ENPP6: variants seen among roughly 807,000 people sequenced by gnomAD.
The protein encoded by ENPP6 is ectonucleotide pyrophosphatase/phosphodiesterase 6.
Under a neutral mutation model 42.0 loss-of-function variants are expected in ENPP6, and 32 were observed. That is an observed-to-expected ratio of 0.76 (90% CI 0.58 to 1.02). The LOEUF (loss-of-function observed/expected upper bound fraction) is 1.02. Ranked by LOEUF, ENPP6 falls within the 50% of genes least tolerant of loss-of-function variation. The pLI is 0.00. For synonymous variants in ENPP6, 213 were observed against 216.0 expected, an observed-to-expected ratio of 0.99 and a Z score of 0.12; for missense variants, 552 against 566.8, an observed-to-expected ratio of 0.97 and a Z score of 0.27.
intron 6 of ENPP6, among the ~76,000 whole-genome samples, chr4:184,099,291 A>G (rs754649667): frequency 6.6e-6 from 1 of 152,244 alleles, no homozygotes; most frequent in Non-Finnish European, 1.5e-5. Flanking sequence ...GGCCAGACAC[A>G]AAGCACTAAC....
intron 2 of ENPP6, among the ~76,000 whole-genome samples, chr4:184,139,516 C>T (rs2111366764): frequency 7.8e-6 from 1 of 128,228 alleles, no homozygotes. Context: ...CTCCCCCCAC[C>T]CCACAATAGT....
chr4:184,124,171 C>T lies in ENPP6; in HGVS notation c.523G>A (p.Asp175Asn). The change falls in exon 3 of 8, where the codon GAC becomes AAC. Residue 175 changes from aspartate (D) to asparagine (N), a missense_variant. Asp to Asn is a conservative substitution (Grantham distance 23, BLOSUM62 1). Around this residue, in one of 2 missense-constraint regions of ENPP6, gnomAD observed 545 missense variants for 546.3 expected, o/e 1.00. Transcript: ENST00000296741. ...GTTTGGGACACTTACTTGAAGGAGT[C>T]AAGAGCATCGCTGACTGCATTGGCA... is the stretch of plus-strand genomic sequence containing the variant. ...NFANAVSDALDSFKSGRADLA... is the reference protein window; with the variant it reads ...NFANAVSDALNSFKSGRADLA... 6.2e-7 allele frequency: 1 copy of T among 1,613,622 alleles called. No homozygotes were observed. Among genetic ancestry groups the T allele is most frequent in the Non-Finnish European group, 8.5e-7 (1 of 1,179,638 alleles).
chr4:184,139,670 C>T (rs1258271326), intron 2 of ENPP6, among the ~76,000 whole-genome samples: 1 of 94,654 alleles, frequency 1.1e-5, no homozygotes, highest in Non-Finnish European at 2.3e-5. Flanking sequence ...ATCCATGTCC[C>T]TACAAAGGAC....
chr4:184,151,570 T>C (rs1254267701), intron 2 of ENPP6, among the ~76,000 whole-genome samples: 1 of 152,106 alleles, frequency 6.6e-6, no homozygotes. Context: ...AAACTTAAGT[T>C]CTAAGATAGT....
intron 2 of ENPP6, among the ~76,000 whole-genome samples, chr4:184,137,284 A>G (rs1736744076): frequency 6.6e-6 from 1 of 152,068 alleles, no homozygotes; most frequent in South Asian, 2.1e-4. Context: ...TTTAATAGAG[A>G]TGGAGTTTCA....
At chr4:184,144,068 C>T (rs1006853467) in intron 2 of ENPP6, among the ~76,000 whole-genome samples, 2 of 152,186 alleles carry the variant, frequency 1.3e-5, no homozygotes, top group Admixed American at 6.5e-5. Context: ...GCCCCCCGGG[C>T]CCCCAAGCCA....
intron 3 of ENPP6, among the ~76,000 whole-genome samples, chr4:184,121,062 T>C: frequency 6.6e-6 from 1 of 152,166 alleles, no homozygotes; most frequent in Non-Finnish European, 1.5e-5. Context: ...TGGCCTCTTT[T>C]GTAAGGTGGG....
At chr4:184,214,086 G>A (rs1315665682) in intron 1 of ENPP6, among the ~76,000 whole-genome samples, 2 of 128,772 alleles carry the variant, frequency 1.6e-5, no homozygotes, top group African/African-American at 5.9e-5. Flanking sequence ...TCTGGGGACT[G>A]TTGTGGGGTG....
intron 1 of ENPP6, among the ~76,000 whole-genome samples, chr4:184,215,232 T>C (rs1345180121): frequency 3.3e-5 from 5 of 152,178 alleles, no homozygotes; most frequent in African/African-American, 1.2e-4. Flanking sequence ...ATTCGGGTAA[T>C]GAAGTGAGAG....
At chr4:184,154,026 T>C (rs1388149989) in intron 1 of ENPP6, among the ~76,000 whole-genome samples, 1 of 152,170 alleles carries the variant, frequency 6.6e-6, no homozygotes, top group Non-Finnish European at 1.5e-5. Context: ...GAGCTTGAAG[T>C]CTAAATATGA....
chr4:184,097,475 C>A, intron 6 of ENPP6, 107 bp from the exon 7 acceptor site: 2 of 1,509,750 alleles, frequency 1.3e-6, no homozygotes, highest in South Asian at 1.2e-5. Flanking sequence ...CTCCTCTGCG[C>A]TCCGACTGAC....
chr4:184,108,525 A>G (rs2111338499), intron 6 of ENPP6, among the ~76,000 whole-genome samples: 1 of 152,364 alleles, frequency 6.6e-6, no homozygotes, highest in African/African-American at 2.4e-5. Flanking sequence ...AACGATGTCA[A>G]AGGAAGAAGT....
rs1320436111 is a variant in ENPP6 at position 184,211,616 on chromosome 4, A to C, written c.241+5963T>G. Reference sequence around the variant, plus strand: ...AATCAATAGCTTACCAACTAAAAAGAGTCCAGGACCAGACGGATTCACAGC... The same window carrying C: ...AATCAATAGCTTACCAACTAAAAAGCGTCCAGGACCAGACGGATTCACAGC... On this transcript the variant is annotated intron_variant, in intron 1 of 7. Coordinates refer to ENST00000296741, the MANE Select transcript of ENPP6 (RefSeq NM_153343.4). 3.3e-5 allele frequency among the ~76,000 whole-genome samples: 5 copies of C among 152,358 alleles called. No individual in the cohort carries two copies. In the East Asian group the frequency reaches 9.6e-4, roughly 29 times the overall value.
At chr4:184,207,325 G>A (rs1371444761) in intron 1 of ENPP6, among the ~76,000 whole-genome samples, 1 of 152,172 alleles carries the variant, frequency 6.6e-6, no homozygotes, top group East Asian at 1.9e-4. Flanking sequence ...GTTACCATTA[G>A]CCTTAGCAAA....
chr4:184,122,398 A>G (rs1736431358), intron 3 of ENPP6, among the ~76,000 whole-genome samples: 3 of 120,896 alleles, frequency 2.5e-5, no homozygotes, highest in Non-Finnish European at 5.5e-5. Flanking sequence ...GTAGACACAC[A>G]CTCATACACC....
intron 3 of ENPP6, among the ~76,000 whole-genome samples, chr4:184,123,071 C>T (rs1736445258): frequency 6.6e-6 from 1 of 152,190 alleles, no homozygotes; most frequent in African/African-American, 2.4e-5. Flanking sequence ...CCTTTATGAA[C>T]CCCACCTCCC....
chr4:184,174,828 A>G (rs1035754877), intron 1 of ENPP6, among the ~76,000 whole-genome samples: 1 of 152,228 alleles, frequency 6.6e-6, no homozygotes, highest in Non-Finnish European at 1.5e-5. Flanking sequence ...CCAAACTTCA[A>G]TGACCCAATG....
chr4:184,107,562 G>T (rs1031298051), intron 6 of ENPP6, among the ~76,000 whole-genome samples: 1 of 152,110 alleles, frequency 6.6e-6, no homozygotes, highest in African/African-American at 2.4e-5. Flanking sequence ...AGATCACAAG[G>T]TCAGGAGTTC....
chr4:184,161,685 G>C (rs1303488100), intron 1 of ENPP6, among the ~76,000 whole-genome samples: 1 of 152,022 alleles, frequency 6.6e-6, no homozygotes, highest in Non-Finnish European at 1.5e-5. Flanking sequence ...TATATACCAT[G>C]GAATACTACT....
Sources: allele counts gnomAD v4.1 joint callset (sites outside exome capture counted in the v4.1 genomes callset), GRCh38; gene constraint gnomAD v4.1.1; regional missense constraint gnomAD v4.1.1; transcripts MANE v1.5; gene names NCBI Gene and HGNC (gene_info 2026-07-23, HGNC 2026-07-21).